The following GABRB1 variants were observed in gnomAD, a reference collection of about 807,000 sequenced individuals.
GABRB1 encodes the protein gamma-aminobutyric acid receptor subunit beta-1.
Under a neutral mutation model 51.6 loss-of-function variants are expected in GABRB1, and 17 were observed. That is an observed-to-expected ratio of 0.33 (90% CI 0.23 to 0.49). The LOEUF is 0.49. Among genes scored for constraint, GABRB1 ranks in the 20% least tolerant of loss-of-function variants. The probability of loss-of-function intolerance (pLI) is 0.99; values close to 1 mark genes in which losing one functional copy is unlikely to be tolerated. For missense variants in GABRB1, 410 were observed against 600.6 expected (o/e 0.68, Z 3.32); for synonymous variants, 247 against 218.9 (o/e 1.13, Z -1.14).
intron 4 of GABRB1, among the ~76,000 whole-genome samples, chr4:47,286,874 T>C (rs1723530679): frequency 6.6e-6 from 1 of 152,176 alleles, no homozygotes; most frequent in African/African-American, 2.4e-5. Flanking sequence ...TAATCATCAA[T>C]TGATAACTAT....
At chr4:47,373,525 A>G (rs1287339584) in intron 5 of GABRB1, among the ~76,000 whole-genome samples, 3 of 152,208 alleles carry the variant, frequency 2.0e-5, no homozygotes, top group African/African-American at 7.2e-5. Context: ...TCATCTTTAT[A>G]TGTGAGACCC....
intron 3 of GABRB1, among the ~76,000 whole-genome samples, chr4:47,136,324 T>A (rs1716649665): frequency 6.6e-6 from 1 of 152,056 alleles, no homozygotes; most frequent in Admixed American, 6.6e-5. Context: ...CTGGAACAGG[T>A]GTCCTTCTTT....
At chr4:47,009,715 G>A (rs1724533477) in intron 1 of GABRB1, among the ~76,000 whole-genome samples, 1 of 152,180 alleles carries the variant, frequency 6.6e-6, no homozygotes, top group Non-Finnish European at 1.5e-5. Context: ...AATTGGTTGA[G>A]GTGATTTAAG....
chr4:47,170,746 G>T (rs1420634014), intron 4 of GABRB1, among the ~76,000 whole-genome samples: 1 of 152,262 alleles, frequency 6.6e-6, no homozygotes, highest in Middle Eastern at 3.4e-3. Flanking sequence ...TCAAATGGAA[G>T]AGAGAAACAG....
intron 1 of GABRB1, among the ~76,000 whole-genome samples, chr4:47,019,559 C>CTG (rs1724847064): frequency 6.6e-6 from 1 of 150,918 alleles, no homozygotes; most frequent in Non-Finnish European, 1.5e-5. Flanking sequence ...TTCTCTCTCT[C>CTG]TCTCTCTCTC....
intron 3 of GABRB1, among the ~76,000 whole-genome samples, chr4:47,124,828 T>C (rs1412547576): frequency 6.6e-6 from 1 of 150,682 alleles, no homozygotes; most frequent in Non-Finnish European, 1.5e-5. Flanking sequence ...GGAAAGAAAA[T>C]GAAAAGGAGG....
chr4:47,425,521 G>GATCGATCA (rs1729251704), intron 8 of GABRB1, among the ~76,000 whole-genome samples, 153 bp from the exon 9 acceptor site: 2 of 148,552 alleles, frequency 1.3e-5, no homozygotes, highest in African/African-American at 5.2e-5. Context: ...TAGATAGATC[G>GATCGATCA]ATCGATCTAT....
intron 4 of GABRB1, among the ~76,000 whole-genome samples, chr4:47,280,060 C>A (rs1016478818): frequency 2.0e-5 from 3 of 151,632 alleles, no homozygotes; most frequent in African/African-American, 4.8e-5. Context: ...TTTGTAGATT[C>A]TTTATTGTTG....
chr4:47,228,155 C>T (rs190623944), intron 4 of GABRB1, among the ~76,000 whole-genome samples: 2 of 152,274 alleles, frequency 1.3e-5, no homozygotes, highest in African/African-American at 4.8e-5. Context: ...TCCATCTCAG[C>T]AGCCGTTGGA....
chr4:46,993,871 G>A (rs1322350825), exon 1 of GABRB1: 2 of 174,280 alleles, frequency 1.1e-5, no homozygotes, highest in East Asian at 1.7e-4. Context: ...CTACCTCCTG[G>A]CCCCCTCCCT....
chr4:47,120,991 A>G (rs757308828), intron 3 of GABRB1, among the ~76,000 whole-genome samples: 5 of 152,168 alleles, frequency 3.3e-5, no homozygotes, highest in Non-Finnish European at 5.9e-5. Context: ...CATGCCCTCC[A>G]ACTCCACTGG....
chr4:47,129,256 C>T (rs747181186), intron 3 of GABRB1, among the ~76,000 whole-genome samples: 2 of 152,000 alleles, frequency 1.3e-5, no homozygotes, highest in African/African-American at 2.4e-5. Context: ...CAAAACAGAG[C>T]CTTCTTTTAA....
chr4:47,071,958 A>G (rs1007943233), intron 3 of GABRB1, among the ~76,000 whole-genome samples: 8 of 151,924 alleles, frequency 5.3e-5, no homozygotes, highest in Non-Finnish European at 8.8e-5. Flanking sequence ...TTTGAGAACC[A>G]TTATGTGATT....
intron 5 of GABRB1, among the ~76,000 whole-genome samples, chr4:47,398,561 G>A (rs4995570): frequency 6.8e-6 from 1 of 146,298 alleles, no homozygotes; most frequent in African/African-American, 2.5e-5. Flanking sequence ...TATATATAGA[G>A]AGAGAGAGAG....
Position 47,406,841 on chromosome 4 carries a change from T to C in GABRB1, c.995T>C (p.Phe332Ser). The change falls in exon 8 of 9, where the codon TTT becomes TCT. Residue 332 changes from phenylalanine to serine, a missense_variant. Phe to Ser is a radical substitution (Grantham distance 155, BLOSUM62 -2). This residue lies in a region of GABRB1 where 181 missense variants were observed against 195.6 expected (regional missense o/e 0.93). Transcript: ENST00000295454. ...TATGCCTTTGTAAATTACATCTTCT[T>C]TGGGAAAGGCCCTCAGAAAAAGGGA... ...LEYAFVNYIFFGKGPQKKGAS... is the reference protein window; with the variant it reads ...LEYAFVNYIFSGKGPQKKGAS... 6.2e-7 allele frequency: 1 copy of C among 1,614,104 alleles called. No individual in the cohort carries two copies. Among genetic ancestry groups the C allele is most frequent in the Non-Finnish European group, 8.5e-7 (1 of 1,180,006 alleles).
intron 4 of GABRB1, among the ~76,000 whole-genome samples, chr4:47,280,814 A>T (rs929401056): frequency 4.8e-5 from 6 of 124,984 alleles, no homozygotes; most frequent in African/African-American, 1.9e-4. Context: ...TGTCTGGCTA[A>T]TTTTTTTTTT....
At chr4:47,121,802 T>G (rs180698219) in intron 3 of GABRB1, among the ~76,000 whole-genome samples, 5 of 152,330 alleles carry the variant, frequency 3.3e-5, no homozygotes, top group Admixed American at 1.3e-4. Context: ...TTGAGATGGT[T>G]TTCTTATACT....
At chr4:47,415,471 A>T (rs188571700) in intron 8 of GABRB1, among the ~76,000 whole-genome samples, 134 of 152,322 alleles carry the variant, frequency 8.8e-4, no homozygotes, top group African/African-American at 3.0e-3. Context: ...GTTATAATTT[A>T]AAAAAGGCCT....
intron 4 of GABRB1, among the ~76,000 whole-genome samples, chr4:47,239,011 G>C (rs927063461): frequency 2.6e-5 from 4 of 152,028 alleles, no homozygotes; most frequent in Non-Finnish European, 4.4e-5. Flanking sequence ...TCATTTGCCT[G>C]GTACAGGCTT....
Sources: allele counts gnomAD v4.1 joint callset (sites outside exome capture counted in the v4.1 genomes callset), GRCh38; gene constraint gnomAD v4.1.1; regional missense constraint gnomAD v4.1.1; transcripts MANE v1.5; gene names NCBI Gene and HGNC (gene_info 2026-07-23, HGNC 2026-07-21).